TTC22: variants seen among roughly 807,000 people sequenced by gnomAD.
The protein encoded by TTC22 is tetratricopeptide repeat protein 22.
TTC22 carries 42 observed loss-of-function variants against 48.2 expected under a neutral mutation model. The observed-to-expected ratio is 0.87, with a 90% CI of 0.68 to 1.13. TTC22 has a LOEUF of 1.13. TTC22 is among the 50% of genes most tolerant of loss of function. The probability of loss-of-function intolerance (pLI) is 0.00; values close to 1 mark genes in which losing one functional copy is unlikely to be tolerated. For synonymous variants in TTC22, 345 were observed against 365.5 expected (o/e 0.94, Z 0.64); for missense variants, 784 against 807.0 (o/e 0.97, Z 0.34).
rs1241047317 is a variant in TTC22 at position 54,780,281 on chromosome 1, G to A, written c.*962C>T. 6.6e-6 allele frequency: 1 copy of A among 152,186 alleles called. No homozygotes were observed. Among genetic ancestry groups the A allele is most frequent in the Admixed American group, 6.5e-5 (1 of 15,280 alleles). The allele number at this position is 152,186 out of a possible 1,614,324, so 9.4% of individuals were successfully genotyped here. On this transcript the variant is annotated 3_prime_UTR_variant, in exon 7 of 7. Transcript: ENST00000371276. ...AGGCGGGTGGATCAGTTGAGGTCAG[G>A]AGTTCGAGACCATCCTGACCAACAT...
rs1395814889 is a variant in TTC22, at chr1:54,781,455, A to C, written c.1498T>G (p.Trp500Gly). The C allele has an allele frequency of 6.9e-7, 1 of 1,453,008 alleles. No homozygotes were observed. Among genetic ancestry groups the C allele is most frequent in the African/African-American group, 1.5e-5 (1 of 67,004 alleles). The allele number at this position is 1,453,008 out of a possible 1,614,324, so 90.0% of individuals were successfully genotyped here. A position where few individuals can be genotyped will look rare whatever the true frequency, so the allele number is the denominator to read the frequency against. ...DGELGREVDA[W>G]LRRAQDKYPA... ...TACTTGTCCTGGGCGCGGCGCAGCC[A>C]GGCGTCCACCTCGCGGCCCAGCTCC... Residue 500 changes from tryptophan to glycine, a missense_variant, in exon 7 of 7, where the codon TGG becomes GGG. Trp to Gly is a radical substitution (Grantham distance 184). Coordinates refer to ENST00000371276, the MANE Select transcript of TTC22 (RefSeq NM_001114108.2).
At chr1:54,784,580 A>C in intron 5 of TTC22, 2 of 1,029,176 alleles carry the variant, frequency 1.9e-6, no homozygotes, top group Non-Finnish European at 2.4e-6. Flanking sequence ...TTTTATAGAG[A>C]TATTTTATTA....
chr1:54,791,150 G>A (rs569323086), intron 1 of TTC22, among the ~76,000 whole-genome samples: 41 of 152,292 alleles, frequency 2.7e-4, no homozygotes, highest in Non-Finnish European at 4.4e-4. Context: ...GTGAGCCACC[G>A]CGTCCGGCCC....
chr1:54,792,687 C>T (rs1432365380), intron 1 of TTC22, among the ~76,000 whole-genome samples: 1 of 152,196 alleles, frequency 6.6e-6, no homozygotes, highest in East Asian at 1.9e-4. Context: ...CCCGCCTCGG[C>T]CTCCCAAAGT....
chr1:54,797,067 G>T (rs142157532), intron 1 of TTC22, among the ~76,000 whole-genome samples: 44 of 152,286 alleles, frequency 2.9e-4, no homozygotes, highest in African/African-American at 1.0e-3. Flanking sequence ...ATCCTCACAG[G>T]AATCATGTGA....
Position 54,786,104 on chromosome 1 carries a change from C to T in TTC22, c.899G>A (p.Arg300His), listed in dbSNP as rs145786276. The change falls in exon 5 of 7, where the codon CGC becomes CAC. Residue 300 changes from arginine to histidine, a missense_variant. By Grantham distance (29) the Arg-to-His change is conservative. Coordinates refer to ENST00000371276, the MANE Select transcript of TTC22 (RefSeq NM_001114108.2). ...IAKNQPPILN[R>H]LAKIFYFLGK... ...CAGGAAGTAGAAGATTTTTGCCAGGCGATTCAGGATGGGAGGTTGGTTCTT... is the reference window on the plus strand; with the variant it reads ...CAGGAAGTAGAAGATTTTTGCCAGGTGATTCAGGATGGGAGGTTGGTTCTT... 8.1e-5 allele frequency: 130 copies of T among 1,613,896 alleles called. No homozygotes were observed. Among genetic ancestry groups the T allele is most frequent in the Admixed American group, 1.0e-4 (6 of 59,986 alleles).
intron 5 of TTC22, chr1:54,785,144 C>T (rs144873316): frequency 1.2e-4 from 24 of 198,840 alleles, no homozygotes; most frequent in African/African-American, 4.0e-4. Context: ...TCCCGTAGCA[C>T]GTGGTGTTGT....
intron 1 of TTC22, among the ~76,000 whole-genome samples, chr1:54,791,802 A>C (rs1646353846): frequency 6.6e-6 from 1 of 152,088 alleles, no homozygotes; most frequent in Non-Finnish European, 1.5e-5. Context: ...GCAAGAAGTT[A>C]AATTATGTGT....
chr1:54,793,120 C>T (rs951691642), intron 1 of TTC22: 1 of 152,150 alleles, frequency 6.6e-6, no homozygotes, highest in East Asian at 1.9e-4. Context: ...ATCACAATCC[C>T]GTGGGCTGGG....
At chr1:54,794,612 G>C (rs921432485) in intron 1 of TTC22, 1 of 152,198 alleles carries the variant, frequency 6.6e-6, no homozygotes, top group African/African-American at 2.4e-5. Context: ...TCTTTCTGGG[G>C]AGGAGGAATG....
rs748569443 is a variant in TTC22 at position 54,800,696 on chromosome 1, C to G, written c.468G>C (p.Ala156=). 1.9e-6 allele frequency: 3 copies of G among 1,544,676 alleles called. No individual in the cohort carries two copies. Among genetic ancestry groups the G allele is most frequent in the African/African-American group, 2.8e-5 (2 of 72,298 alleles). The change falls in exon 1 of 7, where the codon GCG becomes GCC. Residue 156 remains alanine, a synonymous_variant. Coordinates refer to ENST00000371276, the MANE Select transcript of TTC22 (RefSeq NM_001114108.2). ...TGGCGCAGCCGACGTCGAAGCCATGCGCGTAGCCCTGCTCGGCCAGGCAGC... is the reference window on the plus strand; with the variant it reads ...TGGCGCAGCCGACGTCGAAGCCATGGGCGTAGCCCTGCTCGGCCAGGCAGC... The part of the protein sequence containing the change: ...AARCLAEQGY[A]HGFDVGCASP...
Position 54,781,331 on chromosome 1 carries a change from G to T in TTC22, c.1622C>A (p.Pro541Gln). The T allele has an allele frequency of 7.0e-7, 1 of 1,419,680 alleles. No individual in the cohort carries two copies. The highest frequency in any genetic ancestry group is 9.1e-7 in the Non-Finnish European group (1 of 1,098,172). 87.9% of individuals were successfully genotyped at this position (1,419,680 alleles called of 1,614,324 possible). ...LARALVAQGR[P>Q]ALVRLLFETM... ...CTCGAAGAGCAGCCGCACCAGCGCC[G>T]GCCGTCCCTGGGCCACCAGGGCCCG... The change falls in exon 7 of 7, where the codon CCG becomes CAG. Residue 541 changes from proline (P) to glutamine (Q), a missense_variant. Pro to Gln is a moderately conservative substitution (Grantham distance 76). Coordinates refer to ENST00000371276, the MANE Select transcript of TTC22 (RefSeq NM_001114108.2).
At chr1:54,788,412 A>C (rs1395407592) in intron 1 of TTC22, among the ~76,000 whole-genome samples, 3 of 92,082 alleles carry the variant, frequency 3.3e-5, no homozygotes, top group African/African-American at 4.3e-5. Context: ...CCCACTGCCC[A>C]CCCTCTCCTC....
At chr1:54,796,910 G>C (rs769094501) in intron 1 of TTC22, among the ~76,000 whole-genome samples, 26 of 152,170 alleles carry the variant, frequency 1.7e-4, no homozygotes, top group African/African-American at 6.3e-4. Flanking sequence ...CACTCTAGGG[G>C]CAAGAAAGAA....
chr1:54,796,544 C>T (rs944591341), intron 1 of TTC22, among the ~76,000 whole-genome samples: 7 of 152,214 alleles, frequency 4.6e-5, no homozygotes, highest in South Asian at 4.1e-4. Context: ...GCTCAGTGCC[C>T]GGTGCACAGA....
At chr1:54,795,793 C>T (rs1408878130) in intron 1 of TTC22, among the ~76,000 whole-genome samples, 3 of 152,176 alleles carry the variant, frequency 2.0e-5, no homozygotes, top group African/African-American at 7.2e-5. Flanking sequence ...TCAAACTTCC[C>T]AGCTAAGTGG....
At chr1:54,792,322 C>T (rs1035597018) in intron 1 of TTC22, among the ~76,000 whole-genome samples, 1 of 152,178 alleles carries the variant, frequency 6.6e-6, no homozygotes, top group Non-Finnish European at 1.5e-5. Context: ...ATGGGATACA[C>T]AGACCTAGTC....
At chr1:54,782,538 T>G in intron 5 of TTC22, 61 bp from the exon 6 acceptor site, 3 of 1,448,188 alleles carry the variant, frequency 2.1e-6, no homozygotes, top group Non-Finnish European at 2.8e-6. Flanking sequence ...CCTTCCTCTC[T>G]GCTCTAAATG....
rs1257028779 is a variant in TTC22, at chr1:54,786,013, G to A, written c.990C>T (p.Leu330=). ...MALDVLRDPE[L]NWQAYCTRAK... is the part of the protein sequence containing the mutation. ...CCCTTGTGCAGTACGCCTGCCAGTT[G>A]AGTTCTGGATCTCGTAGGACATCCA... The change falls in exon 5 of 7, where the codon CTC becomes CTT. Residue 330 remains leucine, a synonymous_variant. Transcript: ENST00000371276. 4 of 1,613,916 alleles carry A rather than the reference G, an allele frequency of 2.5e-6. No individual in the cohort carries two copies. Among genetic ancestry groups the A allele is most frequent in the East Asian group, 2.2e-5 (1 of 44,878 alleles).
Sources: gnomAD v4.1 joint callset for allele counts (sites outside exome capture counted in the v4.1 genomes callset) on GRCh38, gnomAD v4.1.1 for gene constraint, MANE v1.5 for transcripts, NCBI Gene and HGNC (gene_info 2026-07-23, HGNC 2026-07-21) for gene names.